Variants in ZNF207 observed in about 807,000 individuals in gnomAD.
ZNF207 encodes zinc finger protein 207.
A neutral mutation model predicts 60.2 loss-of-function variants in ZNF207; 24 were observed. The ratio of observed to expected loss-of-function variants is 0.40; its 90% CI spans 0.29 to 0.56. The LOEUF is 0.56. Among genes scored for constraint, ZNF207 ranks in the 20% least tolerant of loss-of-function variants. The pLI is 0.49. For synonymous variants in ZNF207, 236 were observed against 194.7 expected (o/e 1.21, Z -1.77); for missense variants, 452 against 636.6 (o/e 0.71, Z 3.12).
rs1416405637 is a variant in ZNF207, at chr17:32,376,224, A to C, written c.*6465A>C. 6.6e-6 allele frequency: 1 copy of C among 152,030 alleles called. No individual in the cohort carries two copies. Among genetic ancestry groups the C allele is most frequent in the Non-Finnish European group, 1.5e-5 (1 of 67,914 alleles). The allele number at this position is 152,030 out of a possible 1,614,324, so 9.4% of individuals were successfully genotyped here. On this transcript the variant is annotated 3_prime_UTR_variant, in exon 12 of 12. Transcript: ENST00000394670. ...AGTAGGACTTCAGTTTGCGCTTCCC[A>C]ATAACTTTAAATATATCCACCTTTT...
Position 32,381,315 on chromosome 17 carries a change from T to C in ZNF207, c.*11556T>C, listed in dbSNP as rs1321064324. 2 of 152,244 alleles carry C rather than the reference T, an allele frequency of 1.3e-5. No individual in the cohort carries two copies. The highest frequency in any genetic ancestry group is 2.9e-5 in the Non-Finnish European group (2 of 68,034). The allele number at this position is 152,244 out of a possible 1,614,324, so 9.4% of individuals were successfully genotyped here. On this transcript the variant is annotated 3_prime_UTR_variant, in exon 12 of 12. Transcript: ENST00000394670. ...ACAAAGCATGATAAATGTTAGTCCA[T>C]GTGTATTATTAAATGGTCTAAAGAA...
rs371713367 is a variant in ZNF207 at position 32,368,646 on chromosome 17, G to A, written c.1164+632G>A. Among the ~76,000 whole-genome samples, 20 of 145,804 alleles carry A rather than the reference G, an allele frequency of 1.4e-4. No individual in the cohort carries two copies. In the East Asian group the frequency reaches 2.9e-3, roughly 21 times the overall value. On this transcript the variant is annotated intron_variant, in intron 10 of 11. Coordinates refer to ENST00000394670, the MANE Select transcript of ZNF207 (RefSeq NM_001098507.2). Reference sequence around the variant, plus strand: ...GCGGAGGTTGCGTTGAGCCAAGATTGCACCACTGCACTCCAGCCTGGGCAA... The same window carrying A: ...GCGGAGGTTGCGTTGAGCCAAGATTACACCACTGCACTCCAGCCTGGGCAA...
Position 32,366,739 on chromosome 17 carries a change from GT to G in ZNF207, c.906del (p.Pro303LeufsTer21). ...ESLSASSKAL[F>X]PSTAQAQAAV... ...GTCTGTCTGCATCTTCTAAAGCTCTGTTTCCTAGCACAGCACAAGTACGCAG... is the reference window on the plus strand; with the variant it reads ...GTCTGTCTGCATCTTCTAAAGCTCTGTTCCTAGCACAGCACAAGTACGCAG... On this transcript the variant is annotated frameshift_variant, in exon 9 of 12. Transcript: ENST00000394670. LOFTEE classifies it high-confidence loss of function. The G allele has an allele frequency of 6.2e-7, 1 of 1,610,234 alleles. No individual in the cohort carries two copies. The highest frequency in any genetic ancestry group is 8.5e-7 in the Non-Finnish European group (1 of 1,178,660).
rs1905698830 is a variant in ZNF207 at position 32,376,993 on chromosome 17, TATG to T, written c.*7235_*7237del. The stretch of plus-strand genomic sequence containing the variant: ...GGTTGGTTGGTTTGCATTTTACTAT[TATG>T]GTGGAATCTGTGTTCCTTCACCATT... On this transcript the variant is annotated 3_prime_UTR_variant, in exon 12 of 12. Transcript: ENST00000394670. 1 of 152,054 alleles carries T rather than the reference TATG, an allele frequency of 6.6e-6. No homozygotes were observed. Among genetic ancestry groups the T allele is most frequent in the South Asian group, 2.1e-4 (1 of 4,838 alleles). The allele number at this position is 152,054 out of a possible 1,614,324, so 9.4% of individuals were successfully genotyped here.
intron 2 of ZNF207, among the ~76,000 whole-genome samples, chr17:32,357,354 T>TTATTA (rs1567815843): frequency 6.4e-5 from 5 of 78,646 alleles, no homozygotes; most frequent in Admixed American, 2.7e-4. Flanking sequence ...TATTATTATT[T>TTATTA]TTTTTTTTTT....
intron 8 of ZNF207, 99 bp from the exon 9 acceptor site, chr17:32,366,566 C>T: frequency 1.2e-6 from 1 of 858,100 alleles, no homozygotes; most frequent in Non-Finnish European, 1.7e-6. Context: ...TTAAATTTTG[C>T]ATTTACAAAT....
chr17:32,369,479 T>C (rs1905365576), intron 11 of ZNF207, 25 bp downstream of exon 11: 3 of 1,609,172 alleles, frequency 1.9e-6, no homozygotes, highest in Non-Finnish European at 2.6e-6. Flanking sequence ...ATGTTTTTCA[T>C]ATTTAGTGGA....
chr17:32,366,654 T>C lies in ZNF207; in HGVS notation c.829-11T>C. 2 of 1,590,392 alleles carry C rather than the reference T, an allele frequency of 1.3e-6. No individual in the cohort carries two copies. The highest frequency in any genetic ancestry group is 1.7e-6 in the Non-Finnish European group (2 of 1,172,334). On this transcript the variant is annotated splice_polypyrimidine_tract_variant and intron_variant, in intron 8 of 11. Coordinates refer to ENST00000394670, the MANE Select transcript of ZNF207 (RefSeq NM_001098507.2). ...GAGACTTTTCATTGTTTCCTTTCTT[T>C]TATGCTACAGATGGGGACACCTGTC... is the stretch of plus-strand genomic sequence containing the variant.
chr17:32,359,581 A>C (rs1904739453), intron 3 of ZNF207, among the ~76,000 whole-genome samples: 1 of 151,830 alleles, frequency 6.6e-6, no homozygotes, highest in Admixed American at 6.6e-5. Flanking sequence ...AGCCTCACTT[A>C]AGCCCAGAGT....
At chr17:32,362,061 T>C (rs978036237) in intron 6 of ZNF207, among the ~76,000 whole-genome samples, 1 of 152,198 alleles carries the variant, frequency 6.6e-6, no homozygotes, top group Middle Eastern at 3.4e-3. Context: ...TTATTGTAAA[T>C]AGGCCATCTG....
chr17:32,365,918 G>A (rs765199637), intron 8 of ZNF207, among the ~76,000 whole-genome samples: 10 of 152,168 alleles, frequency 6.6e-5, no homozygotes, highest in East Asian at 1.9e-4. Flanking sequence ...CTACAATGCC[G>A]CACTTGTGCT....
intron 7 of ZNF207, among the ~76,000 whole-genome samples, chr17:32,363,596 A>G (rs1414585611): frequency 8.4e-6 from 1 of 118,868 alleles, no homozygotes; most frequent in Non-Finnish European, 1.6e-5. Context: ...CTGGAGCATG[A>G]TCTCGGCTCA....
rs1409501195 is a variant in ZNF207 at position 32,376,235 on chromosome 17, A to C, written c.*6476A>C. The C allele has an allele frequency of 6.6e-6, 1 of 152,048 alleles. No homozygotes were observed. The highest frequency in any genetic ancestry group is 1.5e-5 in the Non-Finnish European group (1 of 67,906). The allele number at this position is 152,048 out of a possible 1,614,324, so 9.4% of individuals were successfully genotyped here. On this transcript the variant is annotated 3_prime_UTR_variant, in exon 12 of 12. Transcript: ENST00000394670. ...AGTTTGCGCTTCCCAATAACTTTAA[A>C]TATATCCACCTTTTCCAAGTGTTTA...
Position 32,364,720 on chromosome 17 carries a change from A to G in ZNF207, c.671-610A>G, listed in dbSNP as rs1253688384. Among the ~76,000 whole-genome samples the G allele has an allele frequency of 4.6e-5, 7 of 152,334 alleles. No homozygotes were observed. The East Asian group carries it at 7.7e-4, about 17-fold the overall frequency. On this transcript the variant is annotated intron_variant, in intron 7 of 11. Coordinates refer to ENST00000394670, the MANE Select transcript of ZNF207 (RefSeq NM_001098507.2). ...AGCATATTTAGAGTACTGAAATGAT[A>G]GTTGATGTAAATGGACACAGGAAAA...
Position 32,366,751 on chromosome 17 carries a change from A to T in ZNF207, c.915A>T (p.Thr305=). The T allele has an allele frequency of 4.4e-6, 7 of 1,605,240 alleles. No individual in the cohort carries two copies. Among genetic ancestry groups the T allele is most frequent in the Non-Finnish European group, 5.9e-6 (7 of 1,176,656 alleles). The change falls in exon 9 of 12, where the codon ACA becomes ACT. Residue 305 remains threonine, a synonymous_variant. Transcript: ENST00000394670. ...SASSKALFPS[T]AQAQAAVQGP... ...CTTCTAAAGCTCTGTTTCCTAGCACAGCACAAGTACGCAGGAAGTTGCAGT... is the reference window on the plus strand; with the variant it reads ...CTTCTAAAGCTCTGTTTCCTAGCACTGCACAAGTACGCAGGAAGTTGCAGT...
intron 2 of ZNF207, among the ~76,000 whole-genome samples, chr17:32,352,577 A>G (rs536681133): frequency 6.6e-6 from 1 of 152,350 alleles, no homozygotes; most frequent in East Asian, 1.9e-4. Context: ...TTAAGAATTA[A>G]TACTTAATTA....
In ZNF207 at chr17:32,374,992, C is replaced by A. The variant is rs576410788; in HGVS notation, c.*5233C>A. On this transcript the variant is annotated 3_prime_UTR_variant, in exon 12 of 12. Coordinates refer to ENST00000394670, the MANE Select transcript of ZNF207 (RefSeq NM_001098507.2). ...ATAATTAGGGAATTGGAAGAGAGGC[C>A]AAAAACAAACCTGAATTACTTTTGT... 6.6e-6 allele frequency: 1 copy of A among 152,122 alleles called. No homozygotes were observed. The highest frequency in any genetic ancestry group is 2.4e-5 in the African/African-American group (1 of 41,488). 9.4% of individuals were successfully genotyped at this position (152,122 alleles called of 1,614,324 possible).
At position 32,373,641 on chromosome 17, in the gene ZNF207, A is replaced by T. The variant is rs1372970434; in HGVS notation, c.*3882A>T. The T allele has an allele frequency of 2.3e-5, 9 of 386,684 alleles. No individual in the cohort carries two copies. Among genetic ancestry groups the T allele is most frequent in the Non-Finnish European group, 3.6e-5 (8 of 219,798 alleles). 24.0% of individuals were successfully genotyped at this position (386,684 alleles called of 1,614,324 possible). On this transcript the variant is annotated 3_prime_UTR_variant, in exon 12 of 12. Transcript: ENST00000394670. ...ACGTTTGACTGTGGTGTTAATAAAC[A>T]TAAGTATTTCATATGCAATTTTATG...
In ZNF207 at chr17:32,369,430, A is replaced by G. The variant is rs1905362957; in HGVS notation, c.1300A>G (p.Met434Val). 2 of 1,614,068 alleles carry G rather than the reference A, an allele frequency of 1.2e-6. No homozygotes were observed. The highest frequency in any genetic ancestry group is 1.7e-6 in the Non-Finnish European group (2 of 1,180,034). Residue 434 changes from methionine (M) to valine (V), a missense_variant, in exon 11 of 12, where the codon ATG becomes GTG. By Grantham distance (21) the Met-to-Val change is conservative. This residue lies in a region of ZNF207 where 390 missense variants were observed against 461.4 expected (regional missense o/e 0.85). Coordinates refer to ENST00000394670, the MANE Select transcript of ZNF207 (RefSeq NM_001098507.2). ...GCCAGGCATCCCACAGCAACAAGGAATGAGACCCCCAATGCCACCTCATGG... is the reference window on the plus strand; with the variant it reads ...GCCAGGCATCCCACAGCAACAAGGAGTGAGACCCCCAATGCCACCTCATGG... ...PQPGIPQQQG[M>V]RPPMPPHGQY...
Sources: gnomAD v4.1 joint callset for allele counts (sites outside exome capture counted in the v4.1 genomes callset) on GRCh38, gnomAD v4.1.1 for gene constraint, gnomAD v4.1.1 regional missense constraint, MANE v1.5 for transcripts, NCBI Gene and HGNC (gene_info 2026-07-23, HGNC 2026-07-21) for gene names.